The following ZNF703 variants were observed in gnomAD, a reference collection of about 807,000 sequenced individuals.
The protein encoded by ZNF703 is zinc finger protein 703, also known as NocA-like zinc finger 1.
A neutral mutation model predicts 30.7 loss-of-function variants in ZNF703; 18 were observed. The ratio of observed to expected loss-of-function variants is 0.59; its 90% CI spans 0.40 to 0.87. The LOEUF is 0.87. Ranked by LOEUF, ZNF703 falls within the 40% of genes least tolerant of loss-of-function variation. The pLI, the probability that ZNF703 is intolerant of heterozygous loss-of-function variation, is 0.00. For synonymous variants in ZNF703, 457 were observed against 438.6 expected (o/e 1.04, Z -0.52); for missense variants, 814 against 847.8 (o/e 0.96, Z 0.50).
chr8:37,698,511 C>G lies in ZNF703; in HGVS notation c.1610C>G (p.Pro537Arg). ...CCCGGGTCGCTGTCCTTGCGGAATC[C>G]ACACACTTTGGGCCTAAGCCGGTAC... The part of the protein sequence containing the change: ...GSPGSLSLRN[P>R]HTLGLSRYHP... Residue 537 changes from proline to arginine, a missense_variant, in exon 2 of 2, where the codon CCA becomes CGA. Physicochemically the swap from Pro to Arg is moderately radical, Grantham distance 103. Coordinates refer to ENST00000331569, the MANE Select transcript of ZNF703 (RefSeq NM_025069.3). The G allele has an allele frequency of 6.4e-7, 1 of 1,565,116 alleles. No homozygotes were observed. Among genetic ancestry groups the G allele is most frequent in the South Asian group, 1.2e-5 (1 of 85,454 alleles).
At position 37,698,060 on chromosome 8, in the gene ZNF703, G is replaced by C. The variant is rs1446239093; in HGVS notation, c.1159G>C (p.Gly387Arg). Residue 387 changes from glycine to arginine, a missense_variant, in exon 2 of 2, where the codon GGC becomes CGC. Gly to Arg is a moderately radical substitution (Grantham distance 125). Coordinates refer to ENST00000331569, the MANE Select transcript of ZNF703 (RefSeq NM_025069.3). ...RDPYCLGGYH[G>R]ASHLGGSSCS... ...CCCCTATTGCTTGGGAGGTTACCACGGCGCCTCGCACCTCGGCGGCTCCAG... is the reference window on the plus strand; with the variant it reads ...CCCCTATTGCTTGGGAGGTTACCACCGCGCCTCGCACCTCGGCGGCTCCAG... 1.9e-6 allele frequency: 3 copies of C among 1,554,746 alleles called. No individual in the cohort carries two copies. The highest frequency in any genetic ancestry group is 1.2e-5 in the South Asian group (1 of 85,554).
rs769848999 is a variant in ZNF703, at chr8:37,697,231, C to G, written c.330C>G (p.Leu110=). ...CGGACCCGCCGCCCTCCTCCAAACT[C>G]AACTCGGTGGCGGCGGCGGCCAACG... The part of the protein sequence containing the change: ...GKPDPPPSSK[L]NSVAAAANGL... Residue 110 remains leucine, a synonymous_variant, in exon 2 of 2, where the codon CTC becomes CTG. Transcript: ENST00000331569. 7 of 1,597,746 alleles carry G rather than the reference C, an allele frequency of 4.4e-6. No individual in the cohort carries two copies. The East Asian group carries it at 1.4e-4, about 31-fold the overall frequency.
At position 37,698,876 on chromosome 8, in the gene ZNF703, A is replaced by C; in HGVS notation, c.*202A>C. 1 of 425,902 alleles carries C rather than the reference A, an allele frequency of 2.3e-6. No individual in the cohort carries two copies. The highest frequency in any genetic ancestry group is 4.0e-6 in the Non-Finnish European group (1 of 249,182). 26.4% of individuals were successfully genotyped at this position (425,902 alleles called of 1,614,324 possible). On this transcript the variant is annotated 3_prime_UTR_variant, in exon 2 of 2. Transcript: ENST00000331569. ...GAATATAAGTGCATTAACGGCCCAC[A>C]TGAGTCAATGGTATGCAAAAAGTCT...
Position 37,696,337 on chromosome 8 carries a change from C to G in ZNF703, c.243+115C>G, listed in dbSNP as rs976979781. 1 of 1,422,244 alleles carries G rather than the reference C, an allele frequency of 7.0e-7. No individual in the cohort carries two copies. The highest frequency in any genetic ancestry group is 2.9e-5 in the Admixed American group (1 of 35,030). The allele number at this position is 1,422,244 out of a possible 1,614,324, so 88.1% of individuals were successfully genotyped here. ...GGTGCGACACCCAAGTCTGGTCACGCTGGCGGGCTGAGTGAGGAGGGGAAG... is the reference window on the plus strand; with the variant it reads ...GGTGCGACACCCAAGTCTGGTCACGGTGGCGGGCTGAGTGAGGAGGGGAAG... On this transcript the variant is annotated intron_variant, in intron 1 of 1. Coordinates refer to ENST00000331569, the MANE Select transcript of ZNF703 (RefSeq NM_025069.3). This position sits in a 1 kb window ranked among gnomAD's most constrained non-coding sequence, Gnocchi z 8.2.
chr8:37,696,270 C>T lies in ZNF703; in HGVS notation c.243+48C>T, dbSNP rs987829370. On this transcript the variant is annotated intron_variant, in intron 1 of 1. Coordinates refer to ENST00000331569, the MANE Select transcript of ZNF703 (RefSeq NM_025069.3). This position sits in a 1 kb window ranked among gnomAD's most constrained non-coding sequence, Gnocchi z 8.2. ...CGGGCGCCGGCCCCATTCCTCCCAC[C>T]GCGACCGGGACCCTGACCCAGCTCC... 1 of 1,529,480 alleles carries T rather than the reference C, an allele frequency of 6.5e-7. No individual in the cohort carries two copies. The highest frequency in any genetic ancestry group is 8.8e-7 in the Non-Finnish European group (1 of 1,135,556). The allele number at this position is 1,529,480 out of a possible 1,614,324, so 94.7% of individuals were successfully genotyped here. A position where few individuals can be genotyped will look rare whatever the true frequency, so the allele number is the denominator to read the frequency against.
chr8:37,697,673 G>A lies in ZNF703; in HGVS notation c.772G>A (p.Val258Met). ...EPKPSPEPAAVSRGGGGEPGA... is the reference protein window; with the variant it reads ...EPKPSPEPAAMSRGGGGEPGA... Reference sequence around the variant, plus strand: ...CAAGCCCAGCCCGGAGCCGGCAGCCGTGAGCCGCGGCGGCGGTGGGGAGCC... The same window carrying A: ...CAAGCCCAGCCCGGAGCCGGCAGCCATGAGCCGCGGCGGCGGTGGGGAGCC... Residue 258 changes from valine to methionine, a missense_variant, in exon 2 of 2, where the codon GTG becomes ATG. Coordinates refer to ENST00000331569, the MANE Select transcript of ZNF703 (RefSeq NM_025069.3). The A allele has an allele frequency of 1.5e-6, 2 of 1,332,388 alleles. No individual in the cohort carries two copies. The highest frequency in any genetic ancestry group is 9.5e-7 in the Non-Finnish European group (1 of 1,049,100). 82.5% of individuals were successfully genotyped at this position (1,332,388 alleles called of 1,614,324 possible). A position where few individuals can be genotyped will look rare whatever the true frequency, so the allele number is the denominator to read the frequency against.
chr8:37,697,899 G>A lies in ZNF703; in HGVS notation c.998G>A (p.Gly333Asp), dbSNP rs1194764287. ...GGCTACCCGTCTCAGTTCGTGCCTG[G>A]CCTGGATCCTAGCAAGTCCGGCCTC... Reference protein sequence around the residue: ...YAGYPSQFVPGLDPSKSGLVG... With the variant: ...YAGYPSQFVPDLDPSKSGLVG... The change falls in exon 2 of 2, where the codon GGC becomes GAC. Residue 333 changes from glycine to aspartate, a missense_variant. Coordinates refer to ENST00000331569, the MANE Select transcript of ZNF703 (RefSeq NM_025069.3). 1 of 1,556,514 alleles carries A rather than the reference G, an allele frequency of 6.4e-7. No individual in the cohort carries two copies. The highest frequency in any genetic ancestry group is 1.9e-5 in the Admixed American group (1 of 53,548).
chr8:37,695,930 C>T lies in ZNF703; in HGVS notation c.-50C>T, dbSNP rs916700107. On this transcript the variant is annotated 5_prime_UTR_variant, in exon 1 of 2. Coordinates refer to ENST00000331569, the MANE Select transcript of ZNF703 (RefSeq NM_025069.3). ...CCACCCGCCCCGGGAGCTCGCCTCC[C>T]CGGTGCTCCCCCGCCCTCCCCGCCC... The T allele has an allele frequency of 1.0e-5, 14 of 1,402,300 alleles. No individual in the cohort carries two copies. The highest frequency in any genetic ancestry group is 2.6e-4 in the Middle Eastern group (1 of 3,808). 86.9% of individuals were successfully genotyped at this position (1,402,300 alleles called of 1,614,324 possible). A position where few individuals can be genotyped will look rare whatever the true frequency, so the allele number is the denominator to read the frequency against.
rs1585875676 is a variant in ZNF703 at position 37,697,084 on chromosome 8, C to G, written c.244-61C>G. Reference sequence around the variant, plus strand: ...CCGCCCAGCTCCCCGGGCGCCCCCGCTCGCCCCGCAGGCCTCTGAGTCTCA... The same window carrying G: ...CCGCCCAGCTCCCCGGGCGCCCCCGGTCGCCCCGCAGGCCTCTGAGTCTCA... On this transcript the variant is annotated intron_variant, in intron 1 of 1. Transcript: ENST00000331569. 4.2e-6 allele frequency: 6 copies of G among 1,427,542 alleles called. No homozygotes were observed. The African/African-American group carries it at 4.5e-5, about 11-fold the overall frequency. The allele number at this position is 1,427,542 out of a possible 1,614,324, so 88.4% of individuals were successfully genotyped here.
In ZNF703 at chr8:37,697,604, G is replaced by C; in HGVS notation, c.703G>C (p.Gly235Arg). The change falls in exon 2 of 2, where the codon GGC (glycine) becomes CGC (arginine). Residue 235 changes from glycine (G) to arginine (R), a missense_variant. Coordinates refer to ENST00000331569, the MANE Select transcript of ZNF703 (RefSeq NM_025069.3). ...SPHHSDCKNG[G>R]GVGGGELDKK... ...GCACCACTCTGACTGCAAGAACGGC[G>C]GCGGGGTTGGCGGCGGGGAGCTGGA... 2 of 1,419,386 alleles carry C rather than the reference G, an allele frequency of 1.4e-6. No homozygotes were observed. Among genetic ancestry groups the C allele is most frequent in the South Asian group, 3.1e-5 (2 of 65,526 alleles). 87.9% of individuals were successfully genotyped at this position (1,419,386 alleles called of 1,614,324 possible). A position where few individuals can be genotyped will look rare whatever the true frequency, so the allele number is the denominator to read the frequency against.
chr8:37,697,516 T>C lies in ZNF703; in HGVS notation c.615T>C (p.His205=), dbSNP rs1802092051. The change falls in exon 2 of 2, where the codon CAT becomes CAC. Residue 205 remains histidine (H), a synonymous_variant. Transcript: ENST00000331569. ...CCGCCTGCCCGCCCTTTCCCCCGCA[T>C]GGAGCGCCGGTCTCCGCATCCTCGT... The part of the protein sequence containing the change: ...PSAACPPFPP[H]GAPVSASSSS... 1.3e-6 allele frequency: 2 copies of C among 1,519,626 alleles called. No homozygotes were observed. Among genetic ancestry groups the C allele is most frequent in the African/African-American group, 2.8e-5 (2 of 70,616 alleles). 94.1% of individuals were successfully genotyped at this position (1,519,626 alleles called of 1,614,324 possible). A position where few individuals can be genotyped will look rare whatever the true frequency, so the allele number is the denominator to read the frequency against.
chr8:37,696,686 G>A lies in ZNF703; in HGVS notation c.244-459G>A, dbSNP rs371912371. ...ATCTTTCTTCCTGCCTCTTCCCTGG[G>A]TGCCCTCCCCGGGAGGGAGGGGCTA... On this transcript the variant is annotated intron_variant, in intron 1 of 1. Transcript: ENST00000331569. The surrounding 1 kb of genome is among the most constrained non-coding windows in gnomAD (Gnocchi z 8.2). 9.2e-5 allele frequency among the ~76,000 whole-genome samples: 14 copies of A among 152,194 alleles called. No individual in the cohort carries two copies. In the East Asian group the frequency reaches 1.4e-3, roughly 15 times the overall value.
At position 37,697,537 on chromosome 8, in the gene ZNF703, C is replaced by G; in HGVS notation, c.636C>G (p.Ser212=). 2 of 1,489,520 alleles carry G rather than the reference C, an allele frequency of 1.3e-6. No homozygotes were observed. Among genetic ancestry groups the G allele is most frequent in the African/African-American group, 1.4e-5 (1 of 69,204 alleles). 92.3% of individuals were successfully genotyped at this position (1,489,520 alleles called of 1,614,324 possible). ...CGCATGGAGCGCCGGTCTCCGCATC[C>G]TCGTCCTCGTCGTCGCCCGGCGGCT... The part of the protein sequence containing the change: ...FPPHGAPVSA[S]SSSSSPGGSR... Residue 212 remains serine, a synonymous_variant, in exon 2 of 2, where the codon TCC becomes TCG. Coordinates refer to ENST00000331569, the MANE Select transcript of ZNF703 (RefSeq NM_025069.3).
chr8:37,697,444 G>T lies in ZNF703; in HGVS notation c.543G>T (p.Ser181=). Residue 181 remains serine, a synonymous_variant, in exon 2 of 2, where the codon TCG becomes TCT. Coordinates refer to ENST00000331569, the MANE Select transcript of ZNF703 (RefSeq NM_025069.3). ...CCTCGGTGTCTTCCACCTCCTCCTC[G>T]TCCTCCTCGTCCCCGGGAGACAAGG... The part of the protein sequence containing the change: ...GSSSVSSTSS[S]SSSSPGDKAG... 6.5e-7 allele frequency: 1 copy of T among 1,542,796 alleles called. No homozygotes were observed.
At position 37,699,091 on chromosome 8, in the gene ZNF703, T is replaced by C. The variant is rs750017537; in HGVS notation, c.*417T>C. ...TTCTTCTAGACGTTTTGTTTTCCCT[T>C]CCTGGGGAGTTTCTTGCATGAGTCT... On this transcript the variant is annotated 3_prime_UTR_variant, in exon 2 of 2. Coordinates refer to ENST00000331569, the MANE Select transcript of ZNF703 (RefSeq NM_025069.3). 86 of 161,824 alleles carry C rather than the reference T, an allele frequency of 5.3e-4. No homozygotes were observed. Among genetic ancestry groups the C allele is most frequent in the Admixed American group, 1.3e-4 (2 of 15,516 alleles). 10.0% of individuals were successfully genotyped at this position (161,824 alleles called of 1,614,324 possible). A position where few individuals can be genotyped will look rare whatever the true frequency, so the allele number is the denominator to read the frequency against.
chr8:37,698,491 G>C lies in ZNF703; in HGVS notation c.1590G>C (p.Gly530=). 1 of 1,548,874 alleles carries C rather than the reference G, an allele frequency of 6.5e-7. No homozygotes were observed. Among genetic ancestry groups the C allele is most frequent in the Non-Finnish European group, 8.7e-7 (1 of 1,152,244 alleles). Residue 530 remains glycine, a synonymous_variant, in exon 2 of 2, where the codon GGG becomes GGC. Coordinates refer to ENST00000331569, the MANE Select transcript of ZNF703 (RefSeq NM_025069.3). ...CGCCCGCCGCCCCCGGCAGCCCCGG[G>C]TCGCTGTCCTTGCGGAATCCACACA... is the stretch of plus-strand genomic sequence containing the variant. ...LPPPAAPGSP[G]SLSLRNPHTL...
rs1225116200 is a variant in ZNF703, at chr8:37,698,033, G to A, written c.1132G>A (p.Asp378Asn). 6.4e-7 allele frequency: 1 copy of A among 1,570,684 alleles called. No individual in the cohort carries two copies. Among genetic ancestry groups the A allele is most frequent in the Admixed American group, 1.8e-5 (1 of 56,436 alleles). The change falls in exon 2 of 2, where the codon GAC (aspartate) becomes AAC (asparagine). Residue 378 changes from aspartate to asparagine, a missense_variant. By Grantham distance (23) the Asp-to-Asn change is conservative (BLOSUM62 1). Coordinates refer to ENST00000331569, the MANE Select transcript of ZNF703 (RefSeq NM_025069.3). ...CTCCTTCCTGCAGGGATTATGCCGC[G>A]ACCCCTATTGCTTGGGAGGTTACCA... ...PPSFLQGLCRDPYCLGGYHGA... is the reference protein window; with the variant it reads ...PPSFLQGLCRNPYCLGGYHGA...
rs1349197861 is a variant in ZNF703, at chr8:37,696,107, G to T, written c.128G>T (p.Arg43Leu). Residue 43 changes from arginine to leucine, a missense_variant, in exon 1 of 2, where the codon CGC becomes CTC. Transcript: ENST00000331569. The surrounding 1 kb of genome is among the most constrained non-coding windows in gnomAD (Gnocchi z 8.2). ...CTCTTGCCACCGGCGGACCCCCTGC[G>T]CCAGGCGAACCGGCTCCCGATCAGG... ...VSLLPPADPLRQANRLPIRVL... is the reference protein window; with the variant it reads ...VSLLPPADPLLQANRLPIRVL... 6.2e-7 allele frequency: 1 copy of T among 1,603,616 alleles called. No individual in the cohort carries two copies. The highest frequency in any genetic ancestry group is 2.3e-5 in the East Asian group (1 of 44,338).
rs1165154862 is a variant in ZNF703 at position 37,698,067 on chromosome 8, C to T, written c.1166C>T (p.Ser389Leu). 2.6e-6 allele frequency: 4 copies of T among 1,547,618 alleles called. No individual in the cohort carries two copies. Among genetic ancestry groups the T allele is most frequent in the Non-Finnish European group, 3.5e-6 (4 of 1,153,954 alleles). The change falls in exon 2 of 2, where the codon TCG becomes TTG. Residue 389 changes from serine (S) to leucine (L), a missense_variant. Physicochemically the swap from Ser to Leu is moderately radical, Grantham distance 145. Transcript: ENST00000331569. ...PYCLGGYHGA[S>L]HLGGSSCSTC... ...TGCTTGGGAGGTTACCACGGCGCCT[C>T]GCACCTCGGCGGCTCCAGCTGCTCC... is the stretch of plus-strand genomic sequence containing the variant.
Sources: gnomAD v4.1 joint callset for allele counts (sites outside exome capture counted in the v4.1 genomes callset) on GRCh38, gnomAD v4.1.1 for gene constraint, Gnocchi (gnomAD v3.1) non-coding constraint, MANE v1.5 for transcripts, NCBI Gene and HGNC (gene_info 2026-07-23, HGNC 2026-07-21) for gene names.